ARB2A: variants seen among roughly 807,000 people sequenced by gnomAD.
The protein encoded by ARB2A is cotranscriptional regulator ARB2A.
chr5:93,766,490 T>C, the ARB2A span, among the ~76,000 whole-genome samples: 1 of 152,158 alleles, frequency 6.6e-6, no homozygotes, highest in Non-Finnish European at 1.5e-5. Flanking sequence ...CACAATGAGA[T>C]ACCATCTTAC....
the ARB2A span, among the ~76,000 whole-genome samples, chr5:94,059,690 A>T: frequency 1.4e-3 from 212 of 151,478 alleles, no homozygotes; most frequent in African/African-American, 5.0e-3. Context: ...GATAATAATG[A>T]CAAAAGACTT....
the ARB2A span, among the ~76,000 whole-genome samples, chr5:94,080,875 C>T: frequency 6.6e-6 from 1 of 152,256 alleles, no homozygotes; most frequent in Admixed American, 6.5e-5. Context: ...GTCTCAGCAT[C>T]TGCTTCCAAA....
At chr5:93,811,667 AT>A in the ARB2A span, among the ~76,000 whole-genome samples, 2 of 152,136 alleles carry the variant, frequency 1.3e-5, no homozygotes, top group African/African-American at 4.8e-5. Context: ...CGGGAAAAAT[AT>A]ATATTTCATG....
chr5:93,628,657 C>A, the ARB2A span, among the ~76,000 whole-genome samples: 2 of 152,194 alleles, frequency 1.3e-5, no homozygotes, highest in Admixed American at 6.5e-5. Flanking sequence ...CTTCACCTTG[C>A]GCTTTTATGT....
the ARB2A span, chr5:93,738,830 T>C: frequency 1.3e-5 from 2 of 152,182 alleles, no homozygotes; most frequent in Non-Finnish European, 2.9e-5. Context: ...AGTTTATGTT[T>C]GGAGTGATGG....
chr5:93,761,241 G>A, the ARB2A span, among the ~76,000 whole-genome samples: 1 of 152,288 alleles, frequency 6.6e-6, no homozygotes, highest in African/African-American at 2.4e-5. Context: ...CCGAGCGTGA[G>A]CCAAAGCAGG....
At chr5:94,073,937 T>A in the ARB2A span, among the ~76,000 whole-genome samples, 1 of 152,126 alleles carries the variant, frequency 6.6e-6, no homozygotes, top group African/African-American at 2.4e-5. Context: ...ATCTGACCCA[T>A]CACCAGATAT....
chr5:93,935,006 C>T, the ARB2A span, among the ~76,000 whole-genome samples: 167 of 152,108 alleles, frequency 1.1e-3, no homozygotes, highest in African/African-American at 3.9e-3. Context: ...TGTTCTCACT[C>T]ATAAGTGGGA....
chr5:93,839,708 T>A, the ARB2A span, among the ~76,000 whole-genome samples: 1 of 152,054 alleles, frequency 6.6e-6, no homozygotes, highest in South Asian at 2.1e-4. Flanking sequence ...TTGGAACTCA[T>A]TATTGGTCTG....
chr5:93,719,472 T>C, the ARB2A span, among the ~76,000 whole-genome samples: 2 of 152,342 alleles, frequency 1.3e-5, no homozygotes, highest in African/African-American at 4.8e-5. Flanking sequence ...TTTTTAGTCC[T>C]CTGCAATTAT....
At chr5:93,656,127 T>C in the ARB2A span, among the ~76,000 whole-genome samples, 1 of 152,150 alleles carries the variant, frequency 6.6e-6, no homozygotes, top group Non-Finnish European at 1.5e-5. Context: ...AAAGTCTTGA[T>C]GTAGTGGGAG....
chr5:93,891,074 G>C, the ARB2A span, among the ~76,000 whole-genome samples: 1 of 152,226 alleles, frequency 6.6e-6, no homozygotes, highest in African/African-American at 2.4e-5. Flanking sequence ...GATTAGGAGA[G>C]AGTGAGTTTT....
chr5:93,763,709 G>T, the ARB2A span, among the ~76,000 whole-genome samples: 10 of 152,080 alleles, frequency 6.6e-5, no homozygotes, highest in African/African-American at 1.2e-4. Flanking sequence ...AATAGACATT[G>T]ACAGAACTCT....
chr5:94,018,050 CCAT>C, the ARB2A span, among the ~76,000 whole-genome samples: 41 of 152,204 alleles, frequency 2.7e-4, no homozygotes, highest in African/African-American at 8.2e-4. Context: ...CCTCCTACCA[CCAT>C]GATTCTGAGG....
the ARB2A span, among the ~76,000 whole-genome samples, chr5:93,663,111 C>A: frequency 2.0e-5 from 3 of 152,188 alleles, no homozygotes; most frequent in Non-Finnish European, 4.4e-5. Context: ...AACACCGTTA[C>A]ACTGATAACA....
chr5:93,862,153 T>C, the ARB2A span: 1 of 152,200 alleles, frequency 6.6e-6, no homozygotes, highest in African/African-American at 2.4e-5. Context: ...ACAGAGTATA[T>C]TTACAAATAG....
the ARB2A span, among the ~76,000 whole-genome samples, chr5:93,988,293 T>C: frequency 6.6e-6 from 1 of 152,132 alleles, no homozygotes; most frequent in African/African-American, 2.4e-5. Context: ...AGAATAATGA[T>C]CCAAATCCTT....
chr5:93,958,775 A>C, the ARB2A span: 3 of 1,493,420 alleles, frequency 2.0e-6, no homozygotes. Context: ...AATTGTACTT[A>C]CAGCCACAGC....
At chr5:93,983,173 GTGT>G in the ARB2A span, among the ~76,000 whole-genome samples, 1 of 702 alleles carries the variant, frequency 1.4e-3, no homozygotes, top group African/African-American at 2.8e-3. Context: ...GTGGAGAGGT[GTGT>G]GTGTGTGTGT....
Sources: allele counts gnomAD v4.1 joint callset (sites outside exome capture counted in the v4.1 genomes callset), GRCh38; gene constraint gnomAD v4.1.1; transcripts MANE v1.5; gene names NCBI Gene and HGNC (gene_info 2026-07-23, HGNC 2026-07-21).